INSR: variants seen among roughly 807,000 people sequenced by gnomAD.
INSR encodes the protein insulin receptor, also known as IR.
Under a neutral mutation model 142.6 loss-of-function variants are expected in INSR, and 67 were observed. The ratio of observed to expected loss-of-function variants is 0.47; its 90% confidence interval spans 0.39 to 0.58. The LOEUF (loss-of-function observed/expected upper bound fraction) is 0.58. Among genes scored for constraint, INSR ranks in the 20% least tolerant of loss-of-function variants. The probability of loss-of-function intolerance (pLI) is 0.00; values close to 1 mark genes in which losing one functional copy is unlikely to be tolerated. For synonymous variants in INSR, 756 were observed against 743.1 expected, an observed-to-expected ratio of 1.02 and a Z score of -0.28; for missense variants, 1,248 against 1,833.2, an observed-to-expected ratio of 0.68 and a Z score of 5.83.
In INSR at chr19:7,229,300, T is replaced by TGATGGATGGATG. The variant is rs369695616; in HGVS notation, c.652+38033_652+38044dup. On this transcript the variant is annotated intron_variant, in intron 2 of 21. Transcript: ENST00000302850. ...GCAGATGAGCAAGTGGATGGAGGGATGATGGATGGATGGATGGATGGATGG... is the reference window on the plus strand; with the variant it reads ...GCAGATGAGCAAGTGGATGGAGGGATGATGGATGGATGGATGGATGGATGGATGGATGGATGG... 1.8e-3 allele frequency among the ~76,000 whole-genome samples: 221 copies of TGATGGATGGATG among 124,396 alleles called. 2 individuals are homozygous for TGATGGATGGATG. The highest frequency in any genetic ancestry group is 0.011 in the East Asian group (41 of 3,798). The allele number at this position is 124,396 out of a possible 152,430, so 81.6% of individuals were successfully genotyped here.
chr19:7,282,929 C>T (rs1470601673), intron 1 of INSR, among the ~76,000 whole-genome samples: 6 of 151,126 alleles, frequency 4.0e-5, no homozygotes, highest in African/African-American at 7.3e-5. Context: ...GCTGAGATCA[C>T]GCCACTGCAC....
chr19:7,221,482 C>T (rs1458293567), intron 2 of INSR, among the ~76,000 whole-genome samples: 5 of 151,766 alleles, frequency 3.3e-5, no homozygotes, highest in Admixed American at 2.0e-4. Flanking sequence ...CCGAGGCGGG[C>T]GGATCACCTG....
Position 7,153,008 on chromosome 19 carries a change from A to ACTC in INSR, c.2030-82_2030-81insGAG, listed in dbSNP as rs1157571465. 3.4e-4 allele frequency: 210 copies of ACTC among 611,082 alleles called. 1 individual carries two copies. In the African/African-American group the frequency reaches 7.7e-3, roughly 22 times the overall value. 37.9% of individuals were successfully genotyped at this position (611,082 alleles called of 1,614,324 possible). On this transcript the variant is annotated intron_variant, in intron 9 of 21. Transcript: ENST00000302850. Reference sequence around the variant, plus strand: ...ACACACACACACACCCCACACACACACACACCACACACACACACCACACAC... The same window carrying ACTC: ...ACACACACACACACCCCACACACACACTCCACACCACACACACACACCACACAC...
At chr19:7,254,675 G>T (rs995485085) in intron 2 of INSR, among the ~76,000 whole-genome samples, 2 of 152,192 alleles carry the variant, frequency 1.3e-5, no homozygotes. Flanking sequence ...TGACACAGGC[G>T]CATTGAGAGA....
intron 2 of INSR, among the ~76,000 whole-genome samples, chr19:7,259,343 G>A (rs936878069): frequency 3.9e-5 from 6 of 152,000 alleles, no homozygotes; most frequent in East Asian, 1.9e-4. Flanking sequence ...TGTGGGGTGC[G>A]CGGCGGAAGG....
chr19:7,152,997 C>A lies in INSR; in HGVS notation c.2030-70G>T, dbSNP rs796249466. 382 of 692,270 alleles carry A rather than the reference C, an allele frequency of 5.5e-4. 9 individuals carry two copies. Among genetic ancestry groups the A allele is most frequent in the Admixed American group, 4.7e-3 (181 of 38,414 alleles). 42.9% of individuals were successfully genotyped at this position (692,270 alleles called of 1,614,324 possible). A position where few individuals can be genotyped will look rare whatever the true frequency, so the allele number is the denominator to read the frequency against. ...AACACACATACACACACACACACAC[C>A]CCACACACACACACACCACACACAC... On this transcript the variant is annotated intron_variant, in intron 9 of 21. Coordinates refer to ENST00000302850, the MANE Select transcript of INSR (RefSeq NM_000208.4).
chr19:7,184,279 C>A, intron 3 of INSR, 37 bp downstream of exon 3: 2 of 1,591,156 alleles, frequency 1.3e-6, no homozygotes, highest in South Asian at 2.2e-5. Flanking sequence ...GTTCCTTCTC[C>A]TCTCGGCTGC....
At chr19:7,220,831 C>T (rs1975589005) in intron 2 of INSR, among the ~76,000 whole-genome samples, 1 of 151,952 alleles carries the variant, frequency 6.6e-6, no homozygotes, top group Admixed American at 6.6e-5. Context: ...ATATTTGTCC[C>T]CTCCAAAACT....
At chr19:7,285,865 C>A (rs796887041) in intron 1 of INSR, among the ~76,000 whole-genome samples, 1 of 152,076 alleles carries the variant, frequency 6.6e-6, no homozygotes, top group Non-Finnish European at 1.5e-5. Flanking sequence ...TGGACAACAA[C>A]GAGACTGTTC....
At chr19:7,197,756 GGAGT>G (rs1205295757) in intron 2 of INSR, among the ~76,000 whole-genome samples, 3 of 75,452 alleles carry the variant, frequency 4.0e-5, no homozygotes, top group African/African-American at 1.3e-4. Flanking sequence ...TTCCAGAGTG[GGAGT>G]GTGTGTGTGT....
intron 20 of INSR, among the ~76,000 whole-genome samples, chr19:7,120,282 G>T (rs1330371965): frequency 1.3e-5 from 2 of 152,202 alleles, no homozygotes; most frequent in African/African-American, 2.4e-5. Flanking sequence ...GATGTCTCAT[G>T]TCTCCCTAAA....
At chr19:7,240,528 C>T (rs567890066) in intron 2 of INSR, among the ~76,000 whole-genome samples, 25 of 152,204 alleles carry the variant, frequency 1.6e-4, no homozygotes, top group Non-Finnish European at 2.2e-4. Context: ...AAGATTGCGC[C>T]ATTGCACTCC....
intron 3 of INSR, among the ~76,000 whole-genome samples, chr19:7,184,060 C>CAAAAAAAAAACAAAAAA (rs1974347861): frequency 1.2e-5 from 1 of 85,152 alleles, no homozygotes; most frequent in Non-Finnish European, 2.2e-5. Flanking sequence ...GACTCCATCT[C>CAAAAAAAAAACAAAAAA]AAAAAAAAAA....
At chr19:7,153,229 CACACACACCAT>C (rs1973465491) in intron 9 of INSR, among the ~76,000 whole-genome samples, 1 of 4,298 alleles carries the variant, frequency 2.3e-4, no homozygotes, top group African/African-American at 4.7e-4. Flanking sequence ...ACACGCACCA[CACACACACCAT>C]ACACGCACCA....
intron 2 of INSR, among the ~76,000 whole-genome samples, chr19:7,224,103 C>A (rs1165163030): frequency 1.3e-5 from 2 of 151,928 alleles, no homozygotes; most frequent in Non-Finnish European, 2.9e-5. Context: ...ACCACCACAC[C>A]CAGCTAATTT....
At chr19:7,242,161 A>G (rs1208399396) in intron 2 of INSR, among the ~76,000 whole-genome samples, 1 of 151,348 alleles carries the variant, frequency 6.6e-6, no homozygotes, top group Non-Finnish European at 1.5e-5. Flanking sequence ...CTCAAAAAAA[A>G]AAAAAGAAGA....
chr19:7,260,726 C>T (rs1453404799), intron 2 of INSR, among the ~76,000 whole-genome samples: 2 of 152,022 alleles, frequency 1.3e-5, no homozygotes, highest in African/African-American at 2.4e-5. Flanking sequence ...CCTCCCCCTG[C>T]ACCATCTCAT....
chr19:7,192,100 AAG>A lies in INSR; in HGVS notation c.653-7465_653-7464del, dbSNP rs946774840. ...AGAGAGAAAGAAGAAAGAATACAGA[AAG>A]AGAAAAAAGAAAAGAAAGAGGGAGA... On this transcript the variant is annotated intron_variant, in intron 2 of 21. Coordinates refer to ENST00000302850, the MANE Select transcript of INSR (RefSeq NM_000208.4). The surrounding 1 kb of genome is among the most constrained non-coding windows in gnomAD (Gnocchi z 4.2). Among the ~76,000 whole-genome samples the A allele has an allele frequency of 6.6e-5, 10 of 151,008 alleles. No individual in the cohort carries two copies. Among genetic ancestry groups the A allele is most frequent in the African/African-American group, 2.2e-4 (9 of 41,084 alleles).
At chr19:7,244,242 G>A (rs1362263429) in intron 2 of INSR, among the ~76,000 whole-genome samples, 3 of 152,016 alleles carry the variant, frequency 2.0e-5, no homozygotes, top group African/African-American at 7.2e-5. Context: ...TAAAAGATTT[G>A]AACAAATTGG....
Sources: gnomAD v4.1 joint callset for allele counts (sites outside exome capture counted in the v4.1 genomes callset) on GRCh38, gnomAD v4.1.1 for gene constraint, Gnocchi (gnomAD v3.1) non-coding constraint, MANE v1.5 for transcripts, NCBI Gene and HGNC (gene_info 2026-07-23, HGNC 2026-07-21) for gene names.